Variants in SREK1 observed in about 807,000 individuals in gnomAD.
The protein encoded by SREK1 is splicing regulatory glutamic acid and lysine rich protein 1.
In SREK1, 13 loss-of-function variants were observed where a neutral mutation model predicts 66.5. The ratio of observed to expected loss-of-function variants is 0.20; its 90% CI spans 0.13 to 0.31. The LOEUF (loss-of-function observed/expected upper bound fraction) is 0.31. Among genes scored for constraint, SREK1 ranks in the 10% least tolerant of loss-of-function variants. SREK1 has a pLI of 1.00. For missense variants in SREK1, 607 were observed against 769.6 expected (o/e 0.79, Z 2.50); for synonymous variants, 265 against 263.5 (o/e 1.01, Z -0.05).
chr5:66,172,824 A>T (rs7718598), intron 9 of SREK1, among the ~76,000 whole-genome samples: 3 of 118,226 alleles, frequency 2.5e-5, no homozygotes, highest in South Asian at 2.6e-4. Flanking sequence ...ATTTCTTTGA[A>T]TTTTTTTTTT....
At chr5:66,148,231 A>G (rs1743437855) in intron 1 of SREK1, among the ~76,000 whole-genome samples, 1 of 152,032 alleles carries the variant, frequency 6.6e-6, no homozygotes, top group South Asian at 2.1e-4. Flanking sequence ...GCACCAACTA[A>G]TATTTTTGTA....
At chr5:66,156,272 G>GT in intron 2 of SREK1, 1 of 1,314,970 alleles carries the variant, frequency 7.6e-7, no homozygotes, top group Non-Finnish European at 9.6e-7. Context: ...TTTTGTTTTT[G>GT]TTTTTGTTTT....
At chr5:66,175,438 A>G (rs747996228) in intron 10 of SREK1, among the ~76,000 whole-genome samples, 9 of 152,146 alleles carry the variant, frequency 5.9e-5, no homozygotes, top group Non-Finnish European at 1.0e-4. Context: ...ATTCCTTTTT[A>G]TAATTGCGTA....
rs1746454246 is a variant in SREK1, at chr5:66,181,177, G to A, written c.*2309G>A. 1.3e-5 allele frequency: 2 copies of A among 152,172 alleles called. No individual in the cohort carries two copies. Among genetic ancestry groups the A allele is most frequent in the Admixed American group, 1.3e-4 (2 of 15,264 alleles). The allele number at this position is 152,172 out of a possible 1,614,324, so 9.4% of individuals were successfully genotyped here. On this transcript the variant is annotated 3_prime_UTR_variant, in exon 12 of 12. Coordinates refer to ENST00000334121, the MANE Select transcript of SREK1 (RefSeq NM_001077199.3). ...ACTGATTTGTAAAAACTAAGAATGAGTAGGAATACAAGAGATCTGGAGGAA... is the reference window on the plus strand; with the variant it reads ...ACTGATTTGTAAAAACTAAGAATGAATAGGAATACAAGAGATCTGGAGGAA...
intron 1 of SREK1, among the ~76,000 whole-genome samples, chr5:66,149,119 C>T (rs1366929888): frequency 5.3e-5 from 8 of 152,056 alleles, no homozygotes; most frequent in Admixed American, 1.3e-4. Context: ...TTTGGGAAGC[C>T]GAGGCAGGCG....
At chr5:66,145,447 GTAAT>G (rs1743094056) in intron 1 of SREK1, among the ~76,000 whole-genome samples, 1 of 152,018 alleles carries the variant, frequency 6.6e-6, no homozygotes, top group East Asian at 1.9e-4. Context: ...GAGGGAAGGG[GTAAT>G]TGTTACCCAA....
At position 66,177,403 on chromosome 5, in the gene SREK1, A is replaced by G. The variant is rs1260025283; in HGVS notation, c.1581-111A>G. 5 of 942,078 alleles carry G rather than the reference A, an allele frequency of 5.3e-6. No individual in the cohort carries two copies. In the African/African-American group the frequency reaches 6.9e-5, roughly 13 times the overall value. 58.4% of individuals were successfully genotyped at this position (942,078 alleles called of 1,614,324 possible). A position where few individuals can be genotyped will look rare whatever the true frequency, so the allele number is the denominator to read the frequency against. On this transcript the variant is annotated intron_variant, in intron 10 of 11. Coordinates refer to ENST00000334121, the MANE Select transcript of SREK1 (RefSeq NM_001077199.3). ...GCAAACCAGCTTACTGTTGATGCTT[A>G]TTAACAATGCATTATTTTAGATATC...
chr5:66,176,563 C>T (rs569424673), intron 10 of SREK1, among the ~76,000 whole-genome samples: 1 of 152,072 alleles, frequency 6.6e-6, no homozygotes, highest in Non-Finnish European at 1.5e-5. Flanking sequence ...GATGACAAGT[C>T]GTCTGTCCAG....
intron 1 of SREK1, among the ~76,000 whole-genome samples, chr5:66,149,731 G>A (rs749860082): frequency 1.3e-5 from 2 of 152,222 alleles, no homozygotes; most frequent in Non-Finnish European, 2.9e-5. Flanking sequence ...AGTTATTCCT[G>A]TTGGAATTGC....
chr5:66,165,008 C>T lies in SREK1; in HGVS notation c.1001+111C>T, dbSNP rs114505205. The T allele has an allele frequency of 1.2e-3, 1,236 of 995,222 alleles. 11 individuals carry two copies. In the African/African-American group the frequency reaches 0.017, roughly 14 times the overall value. The allele number at this position is 995,222 out of a possible 1,614,324, so 61.6% of individuals were successfully genotyped here. A position where few individuals can be genotyped will look rare whatever the true frequency, so the allele number is the denominator to read the frequency against. ...AGAAGTTAGAAATTTTAGTAGTGTA[C>T]ACCTGAAGTGTGGTTACCTTTAAAT... On this transcript the variant is annotated intron_variant, in intron 7 of 11. Coordinates refer to ENST00000334121, the MANE Select transcript of SREK1 (RefSeq NM_001077199.3).
intron 1 of SREK1, among the ~76,000 whole-genome samples, chr5:66,150,228 A>G (rs1388467578): frequency 1.3e-5 from 2 of 152,234 alleles, no homozygotes; most frequent in Non-Finnish European, 2.9e-5. Context: ...ACATGAGGAA[A>G]CCGTGCTAAG....
chr5:66,163,952 T>C, intron 6 of SREK1, 30 bp downstream of exon 6: 1 of 1,604,298 alleles, frequency 6.2e-7, no homozygotes, highest in Non-Finnish European at 8.5e-7. Context: ...ACATAGGTCA[T>C]AGTTTAAAGA....
intron 9 of SREK1, among the ~76,000 whole-genome samples, chr5:66,173,269 A>T (rs1274926837): frequency 6.6e-6 from 1 of 152,194 alleles, no homozygotes; most frequent in Non-Finnish European, 1.5e-5. Flanking sequence ...CCTAATTTAT[A>T]CTTTTAAAGA....
In SREK1 at chr5:66,165,381, G is replaced by A. The variant is rs116549465; in HGVS notation, c.1001+484G>A. On this transcript the variant is annotated intron_variant, in intron 7 of 11. Coordinates refer to ENST00000334121, the MANE Select transcript of SREK1 (RefSeq NM_001077199.3). ...TACCACGTATCCAAAGGAACACTTT[G>A]AGTCCTTGGTATTGCTGGTGATAAG... The A allele has an allele frequency of 6.4e-3, 988 of 154,776 alleles. 6 individuals carry two copies. The highest frequency in any genetic ancestry group is 9.6e-3 in the Non-Finnish European group (671 of 69,800). The allele number at this position is 154,776 out of a possible 1,614,324, so 9.6% of individuals were successfully genotyped here.
chr5:66,177,389 T>G, intron 10 of SREK1, 125 bp from the exon 11 acceptor site: 2 of 823,712 alleles, frequency 2.4e-6, no homozygotes, highest in Non-Finnish European at 3.5e-6. Context: ...CAAACCAGCT[T>G]ACTGTTGATG....
chr5:66,146,497 G>A (rs893308979), intron 1 of SREK1, among the ~76,000 whole-genome samples: 5 of 152,166 alleles, frequency 3.3e-5, no homozygotes, highest in African/African-American at 1.2e-4. Flanking sequence ...GGAAGATTAC[G>A]GTAGTGTATT....
intron 5 of SREK1, 79 bp from the exon 6 acceptor site, chr5:66,163,713 A>G (rs1053965892): frequency 7.0e-7 from 1 of 1,434,962 alleles, no homozygotes; most frequent in Non-Finnish European, 9.4e-7. Context: ...GTTTATAAAT[A>G]TGTGTATCAT....
chr5:66,148,444 A>G (rs1191808193), intron 1 of SREK1, among the ~76,000 whole-genome samples: 1 of 152,232 alleles, frequency 6.6e-6, no homozygotes, highest in African/African-American at 2.4e-5. Context: ...TTGATGCCCA[A>G]AAAGTTGGTT....
At chr5:66,163,439 T>C (rs1744925830) in intron 5 of SREK1, 1 of 194,644 alleles carries the variant, frequency 5.1e-6, no homozygotes, top group East Asian at 1.4e-4. Flanking sequence ...AGGATATCAG[T>C]AAGATCTTTT....
Sources: allele counts gnomAD v4.1 joint callset (sites outside exome capture counted in the v4.1 genomes callset), GRCh38; gene constraint gnomAD v4.1.1; transcripts MANE v1.5; gene names NCBI Gene and HGNC (gene_info 2026-07-23, HGNC 2026-07-21).